Variants in PTPRK observed in about 807,000 individuals in gnomAD.
PTPRK encodes protein tyrosine phosphatase receptor type K, also known as receptor-type tyrosine-protein phosphatase kappa.
Under a neutral mutation model 178.0 loss-of-function variants are expected in PTPRK, and 75 were observed. That is an observed-to-expected ratio of 0.42 (90% CI 0.35 to 0.51). The LOEUF (loss-of-function observed/expected upper bound fraction) is 0.51, where lower values mean the gene tolerates loss of function less well. Among genes scored for constraint, PTPRK ranks in the 20% least tolerant of loss-of-function variants. The probability of loss-of-function intolerance (pLI) is 0.02; values close to 1 mark genes in which losing one functional copy is unlikely to be tolerated. For missense variants in PTPRK, 1,441 were observed against 1,797.8 expected (o/e 0.80, Z 3.59); for synonymous variants, 637 against 620.6 (o/e 1.03, Z -0.39).
intron 7 of PTPRK, among the ~76,000 whole-genome samples, chr6:128,167,322 T>C (rs950913179): frequency 6.6e-6 from 1 of 151,944 alleles, no homozygotes; most frequent in African/African-American, 2.4e-5. Flanking sequence ...AAATTAAAAA[T>C]AATCTCAGAA....
chr6:128,239,949 A>G, intron 5 of PTPRK, 86 bp downstream of exon 5: 1 of 1,049,074 alleles, frequency 9.5e-7, no homozygotes, highest in Non-Finnish European at 1.4e-6. Flanking sequence ...ACACACACTC[A>G]AAAGGATGAG....
At chr6:128,093,621 A>AC (rs1787403259) in intron 7 of PTPRK, among the ~76,000 whole-genome samples, 2 of 146,062 alleles carry the variant, frequency 1.4e-5, no homozygotes, top group Non-Finnish European at 3.0e-5. Flanking sequence ...AAAAAAAAAA[A>AC]AACGAAAAAA....
intron 7 of PTPRK, among the ~76,000 whole-genome samples, chr6:128,106,950 A>T (rs1583033805): frequency 6.6e-6 from 1 of 152,068 alleles, no homozygotes; most frequent in East Asian, 1.9e-4. Context: ...AGTATAAATG[A>T]TCTGAGGGCC....
intron 2 of PTPRK, among the ~76,000 whole-genome samples, chr6:128,385,490 A>C (rs1838571663): frequency 6.6e-6 from 1 of 152,180 alleles, no homozygotes; most frequent in Admixed American, 6.5e-5. Flanking sequence ...AAAATAATTC[A>C]ATTTATGGGA....
chr6:128,073,960 A>T (rs972752832), intron 11 of PTPRK, among the ~76,000 whole-genome samples: 1 of 152,060 alleles, frequency 6.6e-6, no homozygotes. Flanking sequence ...CTTTAAATTT[A>T]TGTAATGAAA....
In PTPRK at chr6:128,276,299, CACAGA is replaced by C. The variant is rs200462638; in HGVS notation, c.496-33702_496-33698del. On this transcript the variant is annotated intron_variant, in intron 3 of 29. Transcript: ENST00000368226. ...AGAAAGCAGAAATATTGTCTTTGACCACAGAACAGAAGTTCAAAGAAAAAATCATT... is the reference window on the plus strand; with the variant it reads ...AGAAAGCAGAAATATTGTCTTTGACCACAGAAGTTCAAAGAAAAAATCATT... 3.9e-4 allele frequency among the ~76,000 whole-genome samples: 59 copies of C among 152,120 alleles called. No homozygotes were observed. The East Asian group carries it at 8.7e-3, about 22-fold the overall frequency.
intron 1 of PTPRK, among the ~76,000 whole-genome samples, chr6:128,454,344 A>C (rs1195256343): frequency 6.6e-6 from 1 of 152,226 alleles, no homozygotes; most frequent in East Asian, 1.9e-4. Flanking sequence ...GCAAACTTTG[A>C]TGATAATTTA....
intron 3 of PTPRK, among the ~76,000 whole-genome samples, chr6:128,304,795 C>T (rs959974396): frequency 1.6e-4 from 25 of 152,172 alleles, no homozygotes; most frequent in Admixed American, 4.6e-4. Flanking sequence ...GCTCCCTAGT[C>T]CAGCTAGGAA....
At chr6:128,007,224 A>G (rs1778541161) in intron 14 of PTPRK, among the ~76,000 whole-genome samples, 1 of 150,890 alleles carries the variant, frequency 6.6e-6, no homozygotes, top group South Asian at 2.1e-4. Context: ...AGTAAAAGTC[A>G]TTACAAAATT....
chr6:128,381,531 A>G (rs1837913787), intron 2 of PTPRK, among the ~76,000 whole-genome samples: 1 of 152,168 alleles, frequency 6.6e-6, no homozygotes, highest in African/African-American at 2.4e-5. Flanking sequence ...AATTTCTTAT[A>G]GATTAATGAG....
chr6:128,312,064 C>T (rs1827312299), intron 3 of PTPRK, among the ~76,000 whole-genome samples: 2 of 152,150 alleles, frequency 1.3e-5, no homozygotes, highest in South Asian at 4.1e-4. Context: ...TATGATTTCA[C>T]ATAAAGAGTA....
intron 7 of PTPRK, among the ~76,000 whole-genome samples, chr6:128,181,280 A>T (rs1359599728): frequency 1.3e-5 from 2 of 152,146 alleles, no homozygotes; most frequent in African/African-American, 4.8e-5. Flanking sequence ...CAATGCCTCA[A>T]ATACCTTAAA....
Position 128,255,638 on chromosome 6 carries a change from CA to C in PTPRK, c.496-13037del, listed in dbSNP as rs1444689722. On this transcript the variant is annotated intron_variant, in intron 3 of 29. Transcript: ENST00000368226. The stretch of plus-strand genomic sequence containing the variant: ...CGGCATTAAAGTATGAACAAATTAT[CA>C]AGATGCTGAAGGCTGAAAAATACTG... Among the ~76,000 whole-genome samples, 6 of 152,300 alleles carry C rather than the reference CA, an allele frequency of 3.9e-5. No homozygotes were observed. In the South Asian group the frequency reaches 1.2e-3, roughly 32 times the overall value.
chr6:128,123,778 G>A (rs568124174), intron 7 of PTPRK, among the ~76,000 whole-genome samples: 6 of 152,180 alleles, frequency 3.9e-5, no homozygotes, highest in African/African-American at 1.4e-4. Context: ...GACCTTAACA[G>A]TTTTAATACG....
chr6:128,296,294 A>G (rs1006049466), intron 3 of PTPRK, among the ~76,000 whole-genome samples: 2 of 152,112 alleles, frequency 1.3e-5, no homozygotes, highest in Non-Finnish European at 2.9e-5. Context: ...CTCAAAAATC[A>G]ACTCAATGAA....
At chr6:128,040,794 A>C (rs1777036399) in intron 13 of PTPRK, among the ~76,000 whole-genome samples, 2 of 152,108 alleles carry the variant, frequency 1.3e-5, no homozygotes, top group South Asian at 4.1e-4. Context: ...ACAATGAAGA[A>C]TATAGAGTGT....
chr6:128,041,417 G>T (rs1198558754), intron 13 of PTPRK, among the ~76,000 whole-genome samples: 1 of 151,910 alleles, frequency 6.6e-6, no homozygotes, highest in Non-Finnish European at 1.5e-5. Flanking sequence ...AGAATACTTT[G>T]TTTGTCTATA....
At chr6:128,147,507 T>A (rs750258662) in intron 7 of PTPRK, among the ~76,000 whole-genome samples, 1 of 152,056 alleles carries the variant, frequency 6.6e-6, no homozygotes, top group African/African-American at 2.4e-5. Context: ...TTTTTACCCT[T>A]AAAATTGTAA....
intron 2 of PTPRK, among the ~76,000 whole-genome samples, chr6:128,356,106 T>G (rs180905743): frequency 2.5e-3 from 381 of 152,260 alleles, no homozygotes; most frequent in African/African-American, 8.6e-3. Context: ...AGGCTAACCC[T>G]TCTCTCTATT....
Sources: allele counts gnomAD v4.1 joint callset (sites outside exome capture counted in the v4.1 genomes callset), GRCh38; gene constraint gnomAD v4.1.1; transcripts MANE v1.5; gene names NCBI Gene and HGNC (gene_info 2026-07-23, HGNC 2026-07-21).